Variants in RERE observed in about 807,000 individuals in gnomAD.
RERE encodes arginine-glutamic acid dipeptide repeats protein.
A neutral mutation model predicts 146.1 loss-of-function variants in RERE; 40 were observed. The ratio of observed to expected loss-of-function variants is 0.27; its 90% CI spans 0.21 to 0.36. The LOEUF (loss-of-function observed/expected upper bound fraction) is 0.36, where lower values mean the gene tolerates loss of function less well. Ranked by LOEUF, RERE falls within the 10% of genes least tolerant of loss-of-function variation. The pLI is 1.00. For missense variants in RERE, 1,933 were observed against 2,138.7 expected (o/e 0.90, Z 1.90); for synonymous variants, 1,003 against 866.0 (o/e 1.16, Z -2.78).
intron 2 of RERE, among the ~76,000 whole-genome samples, chr1:8,644,313 A>T (rs532781957): frequency 6.6e-6 from 1 of 152,296 alleles, no homozygotes; most frequent in Non-Finnish European, 1.5e-5. Context: ...GGACAGGAAG[A>T]TCCTGAAGGG....
intron 2 of RERE, among the ~76,000 whole-genome samples, chr1:8,629,059 G>A (rs61785478): frequency 2.0e-5 from 3 of 152,146 alleles, no homozygotes; most frequent in Admixed American, 2.0e-4. Flanking sequence ...TACCAGAATT[G>A]AGCAAACGGT....
intron 3 of RERE, among the ~76,000 whole-genome samples, chr1:8,618,401 A>G (rs1309628396): frequency 6.6e-6 from 1 of 152,218 alleles, no homozygotes; most frequent in African/African-American, 2.4e-5. Context: ...ACCTGATGTC[A>G]AAGTCCGCGC....
chr1:8,679,996 A>C (rs1638927723), intron 1 of RERE, among the ~76,000 whole-genome samples: 2 of 152,180 alleles, frequency 1.3e-5, no homozygotes, highest in African/African-American at 4.8e-5. Flanking sequence ...ACGTTTTTCC[A>C]TAATGCAACA....
Position 8,360,639 on chromosome 1 carries a change from G to T in RERE, c.2868C>A (p.Pro956=). 1 of 1,519,562 alleles carries T rather than the reference G, an allele frequency of 6.6e-7. No homozygotes were observed. Among genetic ancestry groups the T allele is most frequent in the African/African-American group, 1.4e-5 (1 of 71,212 alleles). The allele number at this position is 1,519,562 out of a possible 1,614,324, so 94.1% of individuals were successfully genotyped here. Residue 956 remains proline (P), a synonymous_variant, in exon 18 of 23, where the codon CCC becomes CCA. Transcript: ENST00000400908. ...GAGGCAGGTTGGCATTCATGGAGAAGGGTGAGGGCCCCGAGAGGTGGGGAG... is the reference window on the plus strand; with the variant it reads ...GAGGCAGGTTGGCATTCATGGAGAATGGTGAGGGCCCCGAGAGGTGGGGAG... ...KHPPHLSGPS[P]FSMNANLPPP... is the part of the protein sequence containing the mutation.
At position 8,356,924 on chromosome 1, in the gene RERE, C is replaced by T. The variant is rs1641318721; in HGVS notation, c.4340-678G>A. 2.0e-5 allele frequency among the ~76,000 whole-genome samples: 3 copies of T among 152,186 alleles called. No homozygotes were observed. The highest frequency in any genetic ancestry group is 7.2e-5 in the African/African-American group (3 of 41,446). Reference sequence around the variant, plus strand: ...GTCCCTGGAAGATTGGGAGCCCCCGCTCTGCCTCTGTGGCTGCTCTTGCCC... The same window carrying T: ...GTCCCTGGAAGATTGGGAGCCCCCGTTCTGCCTCTGTGGCTGCTCTTGCCC... On this transcript the variant is annotated intron_variant, in intron 20 of 22. Transcript: ENST00000400908. The surrounding 1 kb of genome is among the most constrained non-coding windows in gnomAD (Gnocchi z 5.2).
intron 8 of RERE, among the ~76,000 whole-genome samples, chr1:8,500,866 T>C (rs1450342891): frequency 2.8e-5 from 4 of 142,140 alleles, no homozygotes; most frequent in Non-Finnish European, 6.1e-5. Flanking sequence ...GCCGCAACCC[T>C]GTCTGGGATG....
chr1:8,706,711 T>A (rs2124449497), intron 1 of RERE, among the ~76,000 whole-genome samples: 1 of 152,336 alleles, frequency 6.6e-6, no homozygotes, highest in East Asian at 1.9e-4. Context: ...ATTTTCAGGT[T>A]TTTTTCTCTA....
chr1:8,547,200 G>A (rs1645874728), intron 6 of RERE, among the ~76,000 whole-genome samples: 1 of 151,724 alleles, frequency 6.6e-6, no homozygotes, highest in African/African-American at 2.4e-5. Context: ...GTGTAGTGCT[G>A]ACACATAGAC....
intron 6 of RERE, 32 bp downstream of exon 6, chr1:8,556,443 T>C: frequency 7.8e-7 from 1 of 1,279,078 alleles, no homozygotes; most frequent in South Asian, 1.2e-5. Context: ...TGACTCCTCC[T>C]TCACATGGAA....
chr1:8,489,559 G>C (rs1028743937), intron 10 of RERE, among the ~76,000 whole-genome samples: 1 of 151,574 alleles, frequency 6.6e-6, no homozygotes. Context: ...TAAACAAATG[G>C]GCAATAAAAC....
rs180977182 is a variant in RERE, at chr1:8,795,723, C to T, written c.-145+21437G>A. On this transcript the variant is annotated intron_variant, in intron 1 of 22. Coordinates refer to ENST00000400908, the MANE Select transcript of RERE (RefSeq NM_001042681.2). ...CATGGCCGGGCACAGTGGCTCACGCCTGTAATCCCAGCACTTTGGGAGGCC... is the reference window on the plus strand; with the variant it reads ...CATGGCCGGGCACAGTGGCTCACGCTTGTAATCCCAGCACTTTGGGAGGCC... Among the ~76,000 whole-genome samples, 1,331 of 152,274 alleles carry T rather than the reference C, an allele frequency of 8.7e-3. 20 individuals are homozygous for T. Among genetic ancestry groups the T allele is most frequent in the African/African-American group, 0.03 (1,256 of 41,560 alleles).
chr1:8,370,217 C>T (rs921767073), intron 12 of RERE, among the ~76,000 whole-genome samples: 2 of 152,060 alleles, frequency 1.3e-5, no homozygotes, highest in African/African-American at 4.8e-5. Flanking sequence ...CACAGACCAC[C>T]GACACATGCA....
intron 1 of RERE, among the ~76,000 whole-genome samples, chr1:8,802,026 G>C (rs1367111973): frequency 6.6e-6 from 1 of 152,200 alleles, no homozygotes; most frequent in Non-Finnish European, 1.5e-5. Flanking sequence ...TATATATGCA[G>C]AGAAAATGTC....
intron 8 of RERE, among the ~76,000 whole-genome samples, chr1:8,501,213 G>GA (rs1645145276): frequency 7.6e-6 from 1 of 131,504 alleles, no homozygotes; most frequent in African/African-American, 2.9e-5. Context: ...AGGTGGGGGG[G>GA]TCAGCCCCCC....
chr1:8,756,928 C>A (rs1275652479), intron 1 of RERE, among the ~76,000 whole-genome samples: 1 of 151,858 alleles, frequency 6.6e-6, no homozygotes, highest in African/African-American at 2.4e-5. Flanking sequence ...CCTGTCTCTA[C>A]TAAATACAAA....
intron 2 of RERE, among the ~76,000 whole-genome samples, chr1:8,633,090 C>T (rs143265704): frequency 2.6e-4 from 40 of 152,214 alleles, no homozygotes; most frequent in African/African-American, 9.4e-4. Context: ...TTAATATATA[C>T]TGAATTGCTT....
At chr1:8,747,067 T>A (rs1420411782) in intron 1 of RERE, among the ~76,000 whole-genome samples, 1 of 151,878 alleles carries the variant, frequency 6.6e-6, no homozygotes, top group Non-Finnish European at 1.5e-5. Context: ...GCTGGAGCGA[T>A]CTTGGCTCAC....
At chr1:8,656,726 A>G (rs896236766) in intron 1 of RERE, among the ~76,000 whole-genome samples, 8 of 152,198 alleles carry the variant, frequency 5.3e-5, no homozygotes, top group South Asian at 2.1e-4. Flanking sequence ...AAGCAAACCA[A>G]TACCCTGGTA....
chr1:8,779,190 C>T (rs1641121685), intron 1 of RERE, among the ~76,000 whole-genome samples: 1 of 151,892 alleles, frequency 6.6e-6, no homozygotes, highest in Non-Finnish European at 1.5e-5. Context: ...TAGACTCTAT[C>T]CTAAGGAAAT....
Sources: allele counts gnomAD v4.1 joint callset (sites outside exome capture counted in the v4.1 genomes callset), GRCh38; gene constraint gnomAD v4.1.1; non-coding constraint Gnocchi (gnomAD v3.1); transcripts MANE v1.5; gene names NCBI Gene and HGNC (gene_info 2026-07-23, HGNC 2026-07-21).